The following ERC2 variants were observed in gnomAD, a reference collection of about 807,000 sequenced individuals.
ERC2 encodes the protein ERC protein 2.
Under a neutral mutation model 114.8 loss-of-function variants are expected in ERC2, and 42 were observed. That is an observed-to-expected ratio of 0.37 (90% CI 0.29 to 0.47). The LOEUF (loss-of-function observed/expected upper bound fraction) is 0.47, where lower values mean the gene tolerates loss of function less well. Among genes scored for constraint, ERC2 ranks in the 20% least tolerant of loss-of-function variants. The pLI is 0.99. For missense variants in ERC2, 939 were observed against 1,150.7 expected, an observed-to-expected ratio of 0.82 and a Z score of 2.66; for synonymous variants, 454 against 425.5, an observed-to-expected ratio of 1.07 and a Z score of -0.82.
intron 7 of ERC2, among the ~76,000 whole-genome samples, chr3:56,019,975 T>C (rs2073590837): frequency 6.6e-6 from 1 of 152,196 alleles, no homozygotes; most frequent in South Asian, 2.1e-4. Context: ...AGGGAATCAT[T>C]CCAAAAGTAT....
chr3:55,892,436 T>A (rs1001857639), intron 13 of ERC2, among the ~76,000 whole-genome samples: 1 of 152,024 alleles, frequency 6.6e-6, no homozygotes, highest in Non-Finnish European at 1.5e-5. Flanking sequence ...GGCAAGGAGA[T>A]CACCTGAGCC....
At chr3:55,523,555 T>A (rs2053106670) in intron 17 of ERC2, among the ~76,000 whole-genome samples, 1 of 152,196 alleles carries the variant, frequency 6.6e-6, no homozygotes, top group South Asian at 2.1e-4. Flanking sequence ...AAACACCGTC[T>A]TGACAATTTC....
intron 17 of ERC2, among the ~76,000 whole-genome samples, chr3:55,531,008 T>A (rs1021947560): frequency 3.3e-5 from 5 of 152,184 alleles, no homozygotes; most frequent in Admixed American, 1.3e-4. Context: ...GGGAACCTCA[T>A]TATGTTGCAT....
chr3:55,565,222 T>C (rs544243268), intron 17 of ERC2, among the ~76,000 whole-genome samples: 298 of 152,360 alleles, frequency 2.0e-3, no homozygotes, highest in African/African-American at 6.8e-3. Flanking sequence ...CCAAACTTAA[T>C]TCTAATTAAA....
Position 55,511,040 on chromosome 3 carries a change from T to C in ERC2, c.*276A>G, listed in dbSNP as rs1478726254. 4 of 152,628 alleles carry C rather than the reference T, an allele frequency of 2.6e-5. No individual in the cohort carries two copies. The East Asian group carries it at 7.7e-4, about 29-fold the overall frequency. 9.5% of individuals were successfully genotyped at this position (152,628 alleles called of 1,614,324 possible). ...AACAAAAATGGAGGATCTGTCACTT[T>C]TCTCCTCCTCTGCATTCTTCCTTTC... On this transcript the variant is annotated 3_prime_UTR_variant, in exon 18 of 18. Coordinates refer to ENST00000288221, the MANE Select transcript of ERC2 (RefSeq NM_015576.3).
At chr3:56,003,073 A>G (rs1219697390) in intron 10 of ERC2, 1 of 1,287,566 alleles carries the variant, frequency 7.8e-7, no homozygotes, top group Non-Finnish European at 1.0e-6. Context: ...GATATGTTAC[A>G]GCGGGAACTT....
chr3:55,647,919 G>C (rs1307303424), intron 17 of ERC2, among the ~76,000 whole-genome samples: 1 of 152,230 alleles, frequency 6.6e-6, no homozygotes, highest in Non-Finnish European at 1.5e-5. Context: ...GCGTTGGCGG[G>C]TGGAGCAGAA....
intron 11 of ERC2, among the ~76,000 whole-genome samples, chr3:55,988,909 T>A (rs2070837765): frequency 6.6e-6 from 1 of 152,232 alleles, no homozygotes; most frequent in Non-Finnish European, 1.5e-5. Context: ...GCTTGACAAC[T>A]GGAAGAAGAT....
At chr3:56,342,686 G>A (rs962040825) in intron 2 of ERC2, among the ~76,000 whole-genome samples, 1 of 152,168 alleles carries the variant, frequency 6.6e-6, no homozygotes, top group East Asian at 1.9e-4. Flanking sequence ...CCAGGTGTGT[G>A]TCAGGCACTG....
chr3:55,841,509 T>G (rs991071587), intron 14 of ERC2, among the ~76,000 whole-genome samples: 7 of 152,182 alleles, frequency 4.6e-5, no homozygotes, highest in Non-Finnish European at 1.0e-4. Flanking sequence ...GTCTCGGGTA[T>G]GTCTTTATTA....
chr3:56,355,590 C>T (rs2058719241), intron 2 of ERC2, among the ~76,000 whole-genome samples: 1 of 152,078 alleles, frequency 6.6e-6, no homozygotes, highest in African/African-American at 2.4e-5. Flanking sequence ...GGGATTACAG[C>T]GTGCGCCACG....
chr3:56,379,724 A>C (rs1263840626), intron 2 of ERC2, among the ~76,000 whole-genome samples: 1 of 152,186 alleles, frequency 6.6e-6, no homozygotes, highest in African/African-American at 2.4e-5. Flanking sequence ...AGAATCAAGA[A>C]AGTATTTGAA....
At chr3:56,184,819 G>A (rs1000369577) in intron 3 of ERC2, among the ~76,000 whole-genome samples, 2 of 152,124 alleles carry the variant, frequency 1.3e-5, no homozygotes, top group African/African-American at 4.8e-5. Context: ...CATGCTATGA[G>A]AGAGAATGCA....
At chr3:56,373,246 C>T (rs1402841082) in intron 2 of ERC2, among the ~76,000 whole-genome samples, 2 of 152,040 alleles carry the variant, frequency 1.3e-5, no homozygotes, top group Non-Finnish European at 2.9e-5. Flanking sequence ...CACAATGATC[C>T]TATAAAATCA....
intron 3 of ERC2, among the ~76,000 whole-genome samples, chr3:56,175,113 A>G (rs10510783): frequency 0.031 from 4,674 of 152,320 alleles, 101 homozygotes; most frequent in South Asian, 0.065. Flanking sequence ...TGTTCTTATT[A>G]TATTTGCCAG....
At chr3:55,690,679 T>A (rs2062596521) in intron 16 of ERC2, among the ~76,000 whole-genome samples, 1 of 152,064 alleles carries the variant, frequency 6.6e-6, no homozygotes, top group Admixed American at 6.5e-5. Context: ...TAAGACTGAA[T>A]GAAATCTTCA....
intron 10 of ERC2, among the ~76,000 whole-genome samples, chr3:55,993,879 G>A (rs2071276902): frequency 6.6e-6 from 1 of 152,012 alleles, no homozygotes; most frequent in Non-Finnish European, 1.5e-5. Flanking sequence ...ACCTTTAGGA[G>A]TATATTTATC....
intron 10 of ERC2, among the ~76,000 whole-genome samples, chr3:56,001,980 C>A (rs1023136123): frequency 5.9e-5 from 9 of 152,100 alleles, no homozygotes; most frequent in African/African-American, 2.2e-4. Context: ...TGCTTATTAG[C>A]ACTTCTATTC....
intron 2 of ERC2, chr3:56,434,131 T>A: frequency 5.9e-4 from 250 of 427,226 alleles, no homozygotes; most frequent in East Asian, 7.5e-4. Flanking sequence ...TCTCCCCATC[T>A]GCAACCATGT....
Sources: allele counts gnomAD v4.1 joint callset (sites outside exome capture counted in the v4.1 genomes callset), GRCh38; gene constraint gnomAD v4.1.1; transcripts MANE v1.5; gene names NCBI Gene and HGNC (gene_info 2026-07-23, HGNC 2026-07-21).